Variants in ITGBL1 observed in about 807,000 individuals in gnomAD.
ITGBL1 encodes the protein integrin beta-like protein 1.
In ITGBL1, 51 loss-of-function variants were observed where a neutral mutation model predicts 68.5. That is an observed-to-expected ratio of 0.74 (90% CI 0.59 to 0.94). ITGBL1 has a LOEUF of 0.94. ITGBL1 is among the 40% of genes least tolerant of loss of function. The pLI, the probability that ITGBL1 is intolerant of heterozygous loss-of-function variation, is 0.00. For missense variants in ITGBL1, 649 were observed against 647.4 expected (o/e 1.00, Z -0.03); for synonymous variants, 209 against 227.3 (o/e 0.92, Z 0.72).
Position 101,545,333 on chromosome 13 carries a change from G to A in ITGBL1, c.317-22366G>A, listed in dbSNP as rs1440656900. On this transcript the variant is annotated intron_variant, in intron 2 of 10. Coordinates refer to ENST00000376180, the MANE Select transcript of ITGBL1 (RefSeq NM_004791.3). ...TCACAAGAAGAATAGATGCACACAG[G>A]CCCATTGGGAACAAGAAACACAGGC... Among the ~76,000 whole-genome samples, 3 of 152,128 alleles carry A rather than the reference G, an allele frequency of 2.0e-5. No individual in the cohort carries two copies. In the East Asian group the frequency reaches 5.8e-4, roughly 29 times the overall value.
rs374749604 is a variant in ITGBL1 at position 101,497,431 on chromosome 13, C to A, written c.316+43331C>A. On this transcript the variant is annotated intron_variant, in intron 2 of 10. Coordinates refer to ENST00000376180, the MANE Select transcript of ITGBL1 (RefSeq NM_004791.3). ...CACAAGGCGATGACATTTTCTTTTC[C>A]CTTCTACTCACCCCACAGTCCGTAT... is the stretch of plus-strand genomic sequence containing the variant. Among the ~76,000 whole-genome samples the A allele has an allele frequency of 2.9e-4, 44 of 152,258 alleles. No individual in the cohort carries two copies. In the South Asian group the frequency reaches 5.4e-3, roughly 19 times the overall value.
intron 2 of ITGBL1, among the ~76,000 whole-genome samples, chr13:101,528,230 C>G (rs2049413298): frequency 6.6e-6 from 1 of 150,646 alleles, no homozygotes; most frequent in South Asian, 2.1e-4. Context: ...TGAATTTATC[C>G]ATTTAATCTA....
At chr13:101,478,883 A>T (rs1389793489) in intron 2 of ITGBL1, among the ~76,000 whole-genome samples, 2 of 152,068 alleles carry the variant, frequency 1.3e-5, no homozygotes, top group Non-Finnish European at 2.9e-5. Context: ...CATCCATACT[A>T]CCCAAAGCAA....
At chr13:101,453,854 G>A in intron 1 of ITGBL1, 29 bp from the exon 2 acceptor site, 15 of 1,229,866 alleles carry the variant, frequency 1.2e-5, no homozygotes, top group Non-Finnish European at 1.5e-5. Flanking sequence ...CGTCTGACCC[G>A]GCCTGCCGGT....
At chr13:101,574,724 G>A (rs189349248) in intron 3 of ITGBL1, among the ~76,000 whole-genome samples, 35 of 152,206 alleles carry the variant, frequency 2.3e-4, no homozygotes, top group African/African-American at 5.8e-4. Context: ...AATTACATTT[G>A]GGGGATGTGG....
intron 2 of ITGBL1, among the ~76,000 whole-genome samples, chr13:101,546,588 TCATAA>T (rs1166592232): frequency 1.3e-5 from 2 of 150,736 alleles, no homozygotes; most frequent in Non-Finnish European, 2.9e-5. Context: ...ACTAACAAAC[TCATAA>T]CAGAACAAAC....
chr13:101,660,315 T>C (rs2033050325), intron 7 of ITGBL1, among the ~76,000 whole-genome samples: 1 of 152,008 alleles, frequency 6.6e-6, no homozygotes, highest in African/African-American at 2.4e-5. Context: ...GATGAAATCA[T>C]AGGGAGTTGA....
chr13:101,531,363 C>A (rs1287564163), intron 2 of ITGBL1, among the ~76,000 whole-genome samples: 1 of 152,250 alleles, frequency 6.6e-6, no homozygotes, highest in East Asian at 1.9e-4. Context: ...TTTTGCTAAT[C>A]ATTAATATTC....
intron 7 of ITGBL1, among the ~76,000 whole-genome samples, chr13:101,691,413 A>C (rs2033880404): frequency 6.6e-6 from 1 of 152,114 alleles, no homozygotes; most frequent in Non-Finnish European, 1.5e-5. Flanking sequence ...CTAAATACTA[A>C]TTTTTCTTTC....
intron 7 of ITGBL1, among the ~76,000 whole-genome samples, chr13:101,642,686 T>A (rs1594949419): frequency 6.6e-6 from 1 of 151,328 alleles, no homozygotes; most frequent in East Asian, 1.9e-4. Flanking sequence ...CCAGGGTTTT[T>A]ATGGTTTTAG....
At chr13:101,462,678 G>A (rs1314290745) in intron 2 of ITGBL1, among the ~76,000 whole-genome samples, 1 of 152,136 alleles carries the variant, frequency 6.6e-6, no homozygotes, top group African/African-American at 2.4e-5. Context: ...CACCTCCCGG[G>A]GTCAAGTGAT....
At chr13:101,558,505 A>G (rs927491111) in intron 2 of ITGBL1, among the ~76,000 whole-genome samples, 1 of 152,220 alleles carries the variant, frequency 6.6e-6, no homozygotes, top group Non-Finnish European at 1.5e-5. Flanking sequence ...CTTAGAACTG[A>G]AAGCTAGAAG....
chr13:101,532,960 T>A (rs16959018), intron 2 of ITGBL1, among the ~76,000 whole-genome samples: 4,881 of 152,264 alleles, frequency 0.032, 277 homozygotes, highest in African/African-American at 0.11. Flanking sequence ...GGGGCCATAT[T>A]TCCAATGGCT....
chr13:101,626,288 T>C (rs1284476820), intron 7 of ITGBL1, among the ~76,000 whole-genome samples: 1 of 152,236 alleles, frequency 6.6e-6, no homozygotes, highest in East Asian at 1.9e-4. Flanking sequence ...TTATAGCCTT[T>C]CTCATCATCT....
chr13:101,604,868 A>G (rs1182547055), intron 7 of ITGBL1, among the ~76,000 whole-genome samples: 4 of 33,544 alleles, frequency 1.2e-4, no homozygotes, highest in Admixed American at 4.5e-4. Flanking sequence ...ATATATATAT[A>G]TATATATATA....
At chr13:101,652,918 A>G (rs1771946153) in intron 7 of ITGBL1, among the ~76,000 whole-genome samples, 1 of 151,882 alleles carries the variant, frequency 6.6e-6, no homozygotes, top group Admixed American at 6.6e-5. Flanking sequence ...ACCAACATGG[A>G]GAAACCCTGT....
At chr13:101,473,268 GT>G (rs1440719412) in intron 2 of ITGBL1, among the ~76,000 whole-genome samples, 1 of 152,182 alleles carries the variant, frequency 6.6e-6, no homozygotes, top group Non-Finnish European at 1.5e-5. Context: ...AGGAAAGACA[GT>G]CTTGAATCAC....
At chr13:101,700,141 C>T (rs1319872693) in intron 8 of ITGBL1, among the ~76,000 whole-genome samples, 1 of 152,202 alleles carries the variant, frequency 6.6e-6, no homozygotes, top group Non-Finnish European at 1.5e-5. Flanking sequence ...TGAGCAGCAG[C>T]TTGTGCCTAG....
intron 2 of ITGBL1, among the ~76,000 whole-genome samples, chr13:101,536,947 A>C (rs571211429): frequency 6.3e-4 from 96 of 152,186 alleles, no homozygotes; most frequent in African/African-American, 2.2e-3. Context: ...ATACATAGAT[A>C]TTCTTTGCTT....
Sources: gnomAD v4.1 joint callset for allele counts (sites outside exome capture counted in the v4.1 genomes callset) on GRCh38, gnomAD v4.1.1 for gene constraint, MANE v1.5 for transcripts, NCBI Gene and HGNC (gene_info 2026-07-23, HGNC 2026-07-21) for gene names.